ASIC2: variants seen among roughly 807,000 people sequenced by gnomAD.
ASIC2 encodes acid sensing ion channel subunit 2, also known as acid-sensing ion channel 2.
A neutral mutation model predicts 57.3 loss-of-function variants in ASIC2; 25 were observed. The observed-to-expected ratio is 0.44, with a 90% confidence interval of 0.32 to 0.61. The LOEUF (loss-of-function observed/expected upper bound fraction) is 0.61, where lower values mean the gene tolerates loss of function less well. Ranked by LOEUF, ASIC2 falls within the 20% of genes least tolerant of loss-of-function variation. ASIC2 has a pLI of 0.06. For missense variants in ASIC2, 641 were observed against 738.1 expected (o/e 0.87, Z 1.52); for synonymous variants, 319 against 307.5 (o/e 1.04, Z -0.39).
chr17:34,113,310 T>C (rs765156130), intron 1 of ASIC2, among the ~76,000 whole-genome samples: 1 of 152,128 alleles, frequency 6.6e-6, no homozygotes, highest in Non-Finnish European at 1.5e-5. Flanking sequence ...CCTGTAATCC[T>C]AGAACTTTGG....
chr17:33,080,299 A>G (rs894519113), intron 3 of ASIC2, among the ~76,000 whole-genome samples: 3 of 152,168 alleles, frequency 2.0e-5, no homozygotes, highest in Non-Finnish European at 4.4e-5. Flanking sequence ...ACCAGGTGGC[A>G]TAAAGACTGA....
chr17:33,096,549 C>A (rs186716203), intron 2 of ASIC2, among the ~76,000 whole-genome samples: 1 of 152,266 alleles, frequency 6.6e-6, no homozygotes, highest in East Asian at 1.9e-4. Context: ...TGTGGAGACC[C>A]CTATCCAGCA....
intron 1 of ASIC2, among the ~76,000 whole-genome samples, chr17:33,208,559 A>T (rs1425312140): frequency 2.0e-5 from 3 of 152,028 alleles, no homozygotes; most frequent in African/African-American, 7.2e-5. Flanking sequence ...TTCAGCTTCA[A>T]AGTGACCTCC....
intron 1 of ASIC2, among the ~76,000 whole-genome samples, chr17:33,613,797 C>G (rs991576652): frequency 3.3e-5 from 5 of 152,236 alleles, no homozygotes; most frequent in African/African-American, 1.2e-4. Context: ...ACGGGTCTTT[C>G]TCATACTACT....
chr17:33,816,290 G>A (rs998076622), intron 1 of ASIC2, among the ~76,000 whole-genome samples: 3 of 152,106 alleles, frequency 2.0e-5, no homozygotes, highest in Admixed American at 6.5e-5. Context: ...AAATGCGGAG[G>A]TGAAGATGAA....
At chr17:33,530,828 T>TA (rs1915029571) in intron 1 of ASIC2, among the ~76,000 whole-genome samples, 1 of 152,236 alleles carries the variant, frequency 6.6e-6, no homozygotes, top group East Asian at 1.9e-4. Flanking sequence ...TCTATTAGTT[T>TA]ATGCATTCAC....
chr17:33,738,176 A>C (rs1288906398), intron 1 of ASIC2, among the ~76,000 whole-genome samples: 1 of 152,118 alleles, frequency 6.6e-6, no homozygotes, highest in African/African-American at 2.4e-5. Flanking sequence ...TCACTTCTTC[A>C]TTGAGAGAAC....
intron 1 of ASIC2, among the ~76,000 whole-genome samples, chr17:33,156,639 C>G (rs1183986980): frequency 6.6e-6 from 1 of 151,720 alleles, no homozygotes; most frequent in Non-Finnish European, 1.5e-5. Flanking sequence ...GCCTGTAATC[C>G]CAGCTACTCA....
At chr17:33,566,360 C>T (rs1332729545) in intron 1 of ASIC2, among the ~76,000 whole-genome samples, 2 of 152,334 alleles carry the variant, frequency 1.3e-5, no homozygotes, top group African/African-American at 2.4e-5. Context: ...CCCTGCTGGG[C>T]CCTTCCCTCT....
chr17:33,377,393 T>C (rs1177608487), intron 1 of ASIC2, among the ~76,000 whole-genome samples: 1 of 152,228 alleles, frequency 6.6e-6, no homozygotes, highest in Non-Finnish European at 1.5e-5. Flanking sequence ...AGAATACTTC[T>C]TACAAGTGAA....
intron 1 of ASIC2, among the ~76,000 whole-genome samples, chr17:33,778,586 A>G (rs972617516): frequency 6.6e-6 from 1 of 152,164 alleles, no homozygotes; most frequent in African/African-American, 2.4e-5. Flanking sequence ...TTATCTCCCC[A>G]TAAATTTATT....
rs930683485 is a variant in ASIC2 at position 34,155,591 on chromosome 17, G to GCA, written c.555+385_555+386dup. On this transcript the variant is annotated intron_variant, in intron 1 of 9. Coordinates refer to the ASIC2 transcript ENST00000359872. Reference sequence around the variant, plus strand: ...GAGAGACACACACGCACACGCACACGCACACACACACAGAATGCCACCTCG... The same window carrying GCA: ...GAGAGACACACACGCACACGCACACGCACACACACACACAGAATGCCACCTCG... 64 of 204,058 alleles carry GCA rather than the reference G, an allele frequency of 3.1e-4. No homozygotes were observed. In the South Asian group the frequency reaches 3.2e-3, roughly 10 times the overall value. 12.6% of individuals were successfully genotyped at this position (204,058 alleles called of 1,614,324 possible).
chr17:33,114,557 C>T (rs182689228), intron 1 of ASIC2, among the ~76,000 whole-genome samples: 21 of 152,348 alleles, frequency 1.4e-4, no homozygotes, highest in Non-Finnish European at 2.6e-4. Context: ...CCAACTCCTT[C>T]ACCTTTTAGT....
chr17:33,410,867 A>G (rs779852268), intron 1 of ASIC2, among the ~76,000 whole-genome samples: 4 of 152,208 alleles, frequency 2.6e-5, no homozygotes, highest in Non-Finnish European at 5.9e-5. Context: ...AGATGTTTGT[A>G]TCCAGCTGGA....
intron 1 of ASIC2, among the ~76,000 whole-genome samples, chr17:33,928,592 G>A (rs1001668768): frequency 6.6e-6 from 1 of 152,196 alleles, no homozygotes; most frequent in Non-Finnish European, 1.5e-5. Flanking sequence ...GATGAACTGT[G>A]CCTGTCAGAC....
intron 1 of ASIC2, among the ~76,000 whole-genome samples, chr17:33,870,525 C>T (rs759893595): frequency 8.6e-5 from 13 of 151,834 alleles, no homozygotes; most frequent in Non-Finnish European, 1.5e-4. Flanking sequence ...GGTGAGGGTA[C>T]GGGAGGAAGA....
At chr17:33,889,239 C>T (rs902096757) in intron 1 of ASIC2, among the ~76,000 whole-genome samples, 5 of 152,104 alleles carry the variant, frequency 3.3e-5, no homozygotes, top group South Asian at 2.1e-4. Context: ...AACCCCCCCT[C>T]GTTTTTCAGA....
intron 1 of ASIC2, among the ~76,000 whole-genome samples, chr17:33,399,910 ACT>A (rs1180549701): frequency 4.6e-5 from 7 of 152,244 alleles, no homozygotes; most frequent in African/African-American, 1.7e-4. Flanking sequence ...AGAAAAGTGA[ACT>A]CTGCAGACAA....
At chr17:33,487,714 C>T (rs1196478886) in intron 1 of ASIC2, among the ~76,000 whole-genome samples, 1 of 152,184 alleles carries the variant, frequency 6.6e-6, no homozygotes, top group African/African-American at 2.4e-5. Flanking sequence ...TAACCAGCTG[C>T]CAGCGTGGCC....
Sources: allele counts gnomAD v4.1 joint callset (sites outside exome capture counted in the v4.1 genomes callset), GRCh38; gene constraint gnomAD v4.1.1; transcripts MANE v1.5; gene names NCBI Gene and HGNC (gene_info 2026-07-23, HGNC 2026-07-21).